The following BTBD9 variants were observed in gnomAD, a reference collection of about 807,000 sequenced individuals.
BTBD9 encodes the protein BTB domain containing 9.
In BTBD9, 49 loss-of-function variants were observed where a neutral mutation model predicts 64.3. That is an observed-to-expected ratio of 0.76 (90% CI 0.61 to 0.97). The LOEUF is 0.97. BTBD9 is among the 50% of genes least tolerant of loss of function. The pLI, the probability that BTBD9 is intolerant of heterozygous loss-of-function variation, is 0.00. For missense variants in BTBD9, 598 were observed against 762.1 expected, an observed-to-expected ratio of 0.78 and a Z score of 2.53; for synonymous variants, 260 against 274.7, an observed-to-expected ratio of 0.95 and a Z score of 0.53.
intron 6 of BTBD9, among the ~76,000 whole-genome samples, chr6:38,511,780 A>G (rs1049504788): frequency 1.3e-5 from 2 of 152,184 alleles, no homozygotes; most frequent in Non-Finnish European, 1.5e-5. Context: ...TTTCACATGG[A>G]AAGGCAAAAG....
At chr6:38,584,954 A>G (rs1776448139) in intron 4 of BTBD9, among the ~76,000 whole-genome samples, 1 of 152,160 alleles carries the variant, frequency 6.6e-6, no homozygotes, top group Non-Finnish European at 1.5e-5. Flanking sequence ...GTGAGTCAGA[A>G]GACCAGCACT....
chr6:38,559,991 G>A (rs1459150111), intron 6 of BTBD9, among the ~76,000 whole-genome samples: 1 of 152,006 alleles, frequency 6.6e-6, no homozygotes, highest in Non-Finnish European at 1.5e-5. Context: ...GAAAACATAG[G>A]AAATACCATC....
chr6:38,519,695 T>G (rs889211095), intron 6 of BTBD9, among the ~76,000 whole-genome samples: 5 of 152,210 alleles, frequency 3.3e-5, no homozygotes, highest in African/African-American at 1.2e-4. Context: ...TAAACAAGCA[T>G]GCAGAAAGAA....
chr6:38,367,142 C>T (rs1056002013), intron 6 of BTBD9, among the ~76,000 whole-genome samples: 11 of 152,206 alleles, frequency 7.2e-5, no homozygotes, highest in African/African-American at 2.4e-4. Flanking sequence ...GGCCAGAAAC[C>T]TGCTGATCCT....
At chr6:38,438,374 G>C (rs984066710) in intron 6 of BTBD9, among the ~76,000 whole-genome samples, 2 of 152,194 alleles carry the variant, frequency 1.3e-5, no homozygotes, top group Non-Finnish European at 2.9e-5. Context: ...CGTTGAAGTG[G>C]AGAAATGGTA....
At chr6:38,543,627 C>T (rs1461887791) in intron 6 of BTBD9, among the ~76,000 whole-genome samples, 2 of 152,142 alleles carry the variant, frequency 1.3e-5, no homozygotes, top group Non-Finnish European at 2.9e-5. Context: ...AAAAAATATA[C>T]ATTGCACCTG....
At chr6:38,508,129 G>A (rs1376621110) in intron 6 of BTBD9, among the ~76,000 whole-genome samples, 2 of 151,916 alleles carry the variant, frequency 1.3e-5, no homozygotes, top group Non-Finnish European at 2.9e-5. Flanking sequence ...CACCGCACCC[G>A]GCCATGTCTC....
chr6:38,600,811 T>A (rs1777214722), intron 1 of BTBD9, among the ~76,000 whole-genome samples: 1 of 152,212 alleles, frequency 6.6e-6, no homozygotes, highest in Admixed American at 6.5e-5. Context: ...ATATTACATA[T>A]GTATCTACCA....
At chr6:38,270,823 A>G (rs567709919) in intron 8 of BTBD9, among the ~76,000 whole-genome samples, 319 of 152,296 alleles carry the variant, frequency 2.1e-3, no homozygotes, top group Middle Eastern at 6.8e-3. Context: ...ACTGTCCACA[A>G]TTCCTTGGAA....
intron 6 of BTBD9, among the ~76,000 whole-genome samples, chr6:38,364,925 T>C (rs887583404): frequency 6.6e-6 from 1 of 152,110 alleles, no homozygotes. Flanking sequence ...AGGTATTAGT[T>C]TTGTGTAAAT....
At chr6:38,549,064 C>T (rs1049298084) in intron 6 of BTBD9, among the ~76,000 whole-genome samples, 10 of 152,214 alleles carry the variant, frequency 6.6e-5, no homozygotes, top group African/African-American at 2.4e-4. Flanking sequence ...AGGCTATCTT[C>T]TTAACCAGAA....
rs1009439257 is a variant in BTBD9, at chr6:38,521,693, A to T, written c.1154+55907T>A. Among the ~76,000 whole-genome samples the T allele has an allele frequency of 4.0e-5, 6 of 151,730 alleles. No homozygotes were observed. In the South Asian group the frequency reaches 8.3e-4, roughly 21 times the overall value. ...CCTCCTCACTACTTCTTTTTTTTTTAAATGGAGTTTTGCTCTTGTCACCCA... is the reference window on the plus strand; with the variant it reads ...CCTCCTCACTACTTCTTTTTTTTTTTAATGGAGTTTTGCTCTTGTCACCCA... On this transcript the variant is annotated intron_variant, in intron 6 of 10. Coordinates refer to ENST00000481247, the MANE Select transcript of BTBD9 (RefSeq NM_001099272.2).
chr6:38,191,282 C>T (rs192873481), intron 10 of BTBD9, among the ~76,000 whole-genome samples: 50 of 152,246 alleles, frequency 3.3e-4, no homozygotes, highest in Admixed American at 7.8e-4. Flanking sequence ...AATATTTTCA[C>T]GTTTAAAAAT....
intron 10 of BTBD9, among the ~76,000 whole-genome samples, chr6:38,189,759 G>A (rs1161132344): frequency 2.0e-5 from 3 of 151,804 alleles, no homozygotes; most frequent in African/African-American, 4.8e-5. Context: ...CTGCAACCTC[G>A]GCCTCCTGGG....
intron 2 of BTBD9, among the ~76,000 whole-genome samples, chr6:38,595,015 CT>C (rs1252390761): frequency 3.3e-5 from 5 of 152,150 alleles, no homozygotes; most frequent in African/African-American, 1.2e-4. Context: ...GTTAAAAAAA[CT>C]GTGATATACG....
intron 4 of BTBD9, among the ~76,000 whole-genome samples, chr6:38,590,045 T>TA (rs2127488144): frequency 6.6e-6 from 1 of 152,328 alleles, no homozygotes; most frequent in East Asian, 1.9e-4. Flanking sequence ...TATTTCCTAT[T>TA]AGACATTTCT....
Position 38,378,994 on chromosome 6 carries a change from C to T in BTBD9, c.1155-33901G>A, listed in dbSNP as rs561823911. ...GATGTAGGGTGACCATATAATTTATCGCCCAAACCCGGACATTTTTAAGTA... is the reference window on the plus strand; with the variant it reads ...GATGTAGGGTGACCATATAATTTATTGCCCAAACCCGGACATTTTTAAGTA... On this transcript the variant is annotated intron_variant, in intron 6 of 10. Coordinates refer to ENST00000481247, the MANE Select transcript of BTBD9 (RefSeq NM_001099272.2). Among the ~76,000 whole-genome samples the T allele has an allele frequency of 7.9e-5, 12 of 152,026 alleles. No individual in the cohort carries two copies. In the South Asian group the frequency reaches 2.5e-3, roughly 32 times the overall value.
intron 9 of BTBD9, among the ~76,000 whole-genome samples, chr6:38,221,731 G>A (rs1474053567): frequency 5.3e-5 from 8 of 152,180 alleles, no homozygotes; most frequent in Admixed American, 1.3e-4. Context: ...GGTGGCTCAC[G>A]CCTGTAATCC....
At chr6:38,446,687 G>A (rs1769293450) in intron 6 of BTBD9, among the ~76,000 whole-genome samples, 1 of 152,128 alleles carries the variant, frequency 6.6e-6, no homozygotes, top group Admixed American at 6.6e-5. Context: ...CCTAATCCTG[G>A]CAATAATTAT....
Sources: gnomAD v4.1 joint callset for allele counts (sites outside exome capture counted in the v4.1 genomes callset) on GRCh38, gnomAD v4.1.1 for gene constraint, MANE v1.5 for transcripts, NCBI Gene and HGNC (gene_info 2026-07-23, HGNC 2026-07-21) for gene names.